Variants in CSMD1 observed in about 807,000 individuals in gnomAD.
The protein encoded by CSMD1 is CUB and Sushi multiple domains 1, also known as CUB and sushi domain-containing protein 1.
In CSMD1, 213 loss-of-function variants were observed where a neutral mutation model predicts 417.5. The observed-to-expected ratio is 0.51, with a 90% CI of 0.46 to 0.57. The LOEUF is 0.57. Ranked by LOEUF, CSMD1 falls within the 20% of genes least tolerant of loss-of-function variation. The pLI, the probability that CSMD1 is intolerant of heterozygous loss-of-function variation, is 0.00. For missense variants in CSMD1, 6,923 were observed against 4,529.7 expected, an observed-to-expected ratio of 1.53 and a Z score of -15.17; for synonymous variants, 2,862 against 1,736.8, an observed-to-expected ratio of 1.65 and a Z score of -16.11.
At chr8:4,235,529 G>T (rs938227785) in intron 3 of CSMD1, among the ~76,000 whole-genome samples, 2 of 152,036 alleles carry the variant, frequency 1.3e-5, no homozygotes, top group African/African-American at 4.8e-5. Context: ...GTACATACAT[G>T]AATCTACTCA....
intron 50 of CSMD1, among the ~76,000 whole-genome samples, chr8:3,039,319 TTC>T (rs1272724684): frequency 6.7e-6 from 1 of 150,350 alleles, no homozygotes; most frequent in East Asian, 2.0e-4. Flanking sequence ...CCTCCCTTCC[TTC>T]TTTTCCTTTC....
At position 3,298,234 on chromosome 8, in the gene CSMD1, G is replaced by T. The variant is rs1182944288; in HGVS notation, c.3950+9461C>A. Among the ~76,000 whole-genome samples the T allele has an allele frequency of 2.0e-5, 3 of 152,120 alleles. 1 individual carries two copies. In the East Asian group the frequency reaches 5.8e-4, roughly 29 times the overall value. ...TTACCCAGCAATTCCTGGCCTCAGT[G>T]TATACCCATGGAAAAAGCATACATA... On this transcript the variant is annotated intron_variant, in intron 25 of 69. Coordinates refer to ENST00000635120, the MANE Select transcript of CSMD1 (RefSeq NM_033225.6).
chr8:4,116,204 G>A (rs1175680217), intron 3 of CSMD1, among the ~76,000 whole-genome samples: 1 of 151,934 alleles, frequency 6.6e-6, no homozygotes, highest in Non-Finnish European at 1.5e-5. Flanking sequence ...ATGTTGGCCA[G>A]GCTGGTCCTG....
chr8:4,850,382 C>CTTTTTTTTTTTTTTTTT, intron 1 of CSMD1, among the ~76,000 whole-genome samples: 5 of 77,824 alleles, frequency 6.4e-5, no homozygotes, highest in African/African-American at 2.6e-4. Context: ...TCCAATTTAT[C>CTTTTTTTTTTTTTTTTT]TTTTTTTTTT....
chr8:3,686,574 G>T (rs1054447458), intron 7 of CSMD1, among the ~76,000 whole-genome samples: 74 of 152,136 alleles, frequency 4.9e-4, no homozygotes, highest in African/African-American at 1.7e-3. Context: ...ATACTGTCTT[G>T]ATACCAAAAG....
chr8:4,724,434 C>T (rs532957598), intron 1 of CSMD1, among the ~76,000 whole-genome samples: 12 of 151,726 alleles, frequency 7.9e-5, no homozygotes, highest in Non-Finnish European at 1.6e-4. Flanking sequence ...ATACAAATAA[C>T]AGATTCAAAT....
intron 7 of CSMD1, among the ~76,000 whole-genome samples, chr8:3,694,181 G>A (rs1800416648): frequency 6.6e-6 from 1 of 152,038 alleles, no homozygotes; most frequent in African/African-American, 2.4e-5. Flanking sequence ...TCACCAACAA[G>A]GTGAATGTGT....
intron 37 of CSMD1, among the ~76,000 whole-genome samples, chr8:3,178,952 T>C (rs1394635311): frequency 1.4e-5 from 2 of 143,030 alleles, no homozygotes; most frequent in African/African-American, 5.4e-5. Context: ...ATATTTCTTT[T>C]TTTTTTTTTT....
At chr8:3,205,122 A>C (rs113714108) in intron 31 of CSMD1, among the ~76,000 whole-genome samples, 1 of 152,194 alleles carries the variant, frequency 6.6e-6, no homozygotes. Flanking sequence ...GAGTTCACTG[A>C]ATGTATGTGC....
intron 4 of CSMD1, among the ~76,000 whole-genome samples, chr8:4,006,310 G>A (rs1211918524): frequency 2.6e-5 from 4 of 152,184 alleles, no homozygotes; most frequent in Non-Finnish European, 4.4e-5. Flanking sequence ...TTGGGAGGCT[G>A]AGATGGATGG....
chr8:4,399,020 G>A (rs1249868306), intron 3 of CSMD1, among the ~76,000 whole-genome samples: 1 of 152,148 alleles, frequency 6.6e-6, no homozygotes, highest in Non-Finnish European at 1.5e-5. Flanking sequence ...ACACAGCTTT[G>A]TAAATAAGTA....
intron 3 of CSMD1, among the ~76,000 whole-genome samples, chr8:4,409,954 C>A (rs575794641): frequency 1.3e-5 from 2 of 151,828 alleles, no homozygotes; most frequent in Admixed American, 6.6e-5. Flanking sequence ...GCTGGGATTA[C>A]AGGCACCCGC....
At chr8:4,764,884 A>AACAAAAAAAAAAACAAAACAAAAC (rs1216896798) in intron 1 of CSMD1, among the ~76,000 whole-genome samples, 10 of 49,136 alleles carry the variant, frequency 2.0e-4, no homozygotes, top group Non-Finnish European at 3.5e-4. Context: ...AAAAAAAAAA[A>AACAAAAAAAAAAACAAAACAAAAC]AAAAAAAAAA....
At chr8:4,462,608 GATC>G (rs1799903509) in intron 2 of CSMD1, among the ~76,000 whole-genome samples, 1 of 152,226 alleles carries the variant, frequency 6.6e-6, no homozygotes, top group Non-Finnish European at 1.5e-5. Flanking sequence ...AAACCGCATT[GATC>G]ATGATTCCAT....
At chr8:4,192,361 C>G (rs1799080024) in intron 3 of CSMD1, among the ~76,000 whole-genome samples, 1 of 152,204 alleles carries the variant, frequency 6.6e-6, no homozygotes, top group South Asian at 2.1e-4. Context: ...TCTTGGATGT[C>G]TTAGAGACTC....
At chr8:3,846,864 A>C (rs994101035) in intron 5 of CSMD1, among the ~76,000 whole-genome samples, 4 of 152,126 alleles carry the variant, frequency 2.6e-5, no homozygotes, top group Non-Finnish European at 5.9e-5. Flanking sequence ...TAGTGCAGAC[A>C]GGGTTTCATC....
intron 3 of CSMD1, among the ~76,000 whole-genome samples, chr8:4,114,632 T>G (rs1802036781): frequency 6.6e-6 from 1 of 152,330 alleles, no homozygotes; most frequent in South Asian, 2.1e-4. Context: ...TTGAAAAACC[T>G]TCTGGAAAGG....
At chr8:4,597,368 GT>G (rs1248830943) in intron 2 of CSMD1, among the ~76,000 whole-genome samples, 2 of 152,066 alleles carry the variant, frequency 1.3e-5, no homozygotes, top group African/African-American at 4.8e-5. Context: ...CAGACCTAAA[GT>G]AGTGTGAGGT....
chr8:4,485,556 G>A (rs768934085), intron 2 of CSMD1, among the ~76,000 whole-genome samples: 1 of 151,996 alleles, frequency 6.6e-6, no homozygotes. Context: ...TTATAATTGG[G>A]TGACTTTATT....
Sources: allele counts gnomAD v4.1 joint callset (sites outside exome capture counted in the v4.1 genomes callset), GRCh38; gene constraint gnomAD v4.1.1; transcripts MANE v1.5; gene names NCBI Gene and HGNC (gene_info 2026-07-23, HGNC 2026-07-21).